Variants in MEI1 observed in about 807,000 individuals in gnomAD.
MEI1 encodes the protein meiosis inhibitor protein 1.
In MEI1, 103 loss-of-function variants were observed where a neutral mutation model predicts 146.2. The observed-to-expected ratio is 0.70, with a 90% CI of 0.60 to 0.83. The LOEUF (loss-of-function observed/expected upper bound fraction) is 0.83, where lower values mean the gene tolerates loss of function less well. Among genes scored for constraint, MEI1 ranks in the 40% least tolerant of loss-of-function variants. The probability of loss-of-function intolerance (pLI) is 0.00; values close to 1 mark genes in which losing one functional copy is unlikely to be tolerated. For synonymous variants in MEI1, 652 were observed against 628.2 expected (o/e 1.04, Z -0.57); for missense variants, 1,529 against 1,533.0 (o/e 1.00, Z 0.04).
intron 22 of MEI1, among the ~76,000 whole-genome samples, chr22:41,779,471 T>C (rs2075640506): frequency 6.6e-6 from 1 of 152,048 alleles, no homozygotes; most frequent in Admixed American, 6.6e-5. Context: ...AACAAATCTG[T>C]ATGACAGGCA....
At chr22:41,715,387 G>T (rs922389932) in intron 4 of MEI1, among the ~76,000 whole-genome samples, 8 of 151,728 alleles carry the variant, frequency 5.3e-5, no homozygotes, top group African/African-American at 1.9e-4. Flanking sequence ...TAATAACTAT[G>T]ATAACAATAA....
intron 12 of MEI1, among the ~76,000 whole-genome samples, 175 bp downstream of exon 12, chr22:41,743,369 A>C (rs188437705): frequency 6.6e-6 from 1 of 152,178 alleles, no homozygotes; most frequent in Non-Finnish European, 1.5e-5. Context: ...AAGGATTACT[A>C]TTGTCATTTT....
intron 26 of MEI1, among the ~76,000 whole-genome samples, chr22:41,788,830 C>T (rs1049254382): frequency 2.0e-5 from 3 of 152,128 alleles, no homozygotes; most frequent in African/African-American, 7.2e-5. Flanking sequence ...TCAACTCTGC[C>T]TCTGGCAACT....
At chr22:41,740,019 T>C (rs1432935216) in intron 11 of MEI1, among the ~76,000 whole-genome samples, 1 of 151,606 alleles carries the variant, frequency 6.6e-6, no homozygotes, top group Non-Finnish European at 1.5e-5. Context: ...TGGATTATTT[T>C]ACTTTTTTTT....
Position 41,795,040 on chromosome 22 carries a change from T to C in MEI1, c.3535-371T>C, listed in dbSNP as rs1254265295. 6.6e-6 allele frequency among the ~76,000 whole-genome samples: 1 copy of C among 152,162 alleles called. No individual in the cohort carries two copies. Among genetic ancestry groups the C allele is most frequent in the East Asian group, 1.9e-4 (1 of 5,202 alleles). On this transcript the variant is annotated intron_variant, in intron 28 of 30. Coordinates refer to ENST00000401548, the MANE Select transcript of MEI1 (RefSeq NM_152513.4). The surrounding 1 kb of genome is among the most constrained non-coding windows in gnomAD (Gnocchi z 4.2). ...TTTTAGCTGTGGCTTGAGAGATTAA[T>C]AGGCAGAGAGGAGGAAAGGTATTCC...
intron 6 of MEI1, among the ~76,000 whole-genome samples, chr22:41,718,881 C>CT (rs869132831): frequency 2.3e-4 from 34 of 149,138 alleles, no homozygotes; most frequent in African/African-American, 5.7e-4. Context: ...TTTCTTTTTT[C>CT]TTTTTTTTTG....
chr22:41,761,010 G>C (rs2147950738), intron 18 of MEI1, among the ~76,000 whole-genome samples: 1 of 152,176 alleles, frequency 6.6e-6, no homozygotes, highest in African/African-American at 2.4e-5. Context: ...AAAACAATAT[G>C]AGAGGGTCTG....
intron 11 of MEI1, among the ~76,000 whole-genome samples, chr22:41,742,673 A>G (rs1219047762): frequency 6.6e-6 from 1 of 152,106 alleles, no homozygotes; most frequent in Non-Finnish European, 1.5e-5. Context: ...TTTTTTTGAG[A>G]CAAAGTCTTG....
chr22:41,718,371 T>C, intron 6 of MEI1, 97 bp downstream of exon 6: 1 of 1,214,558 alleles, frequency 8.2e-7, no homozygotes, highest in Non-Finnish European at 1.2e-6. Flanking sequence ...GGAAGTTTGC[T>C]GTTTTGCAAA....
intron 6 of MEI1, among the ~76,000 whole-genome samples, chr22:41,719,339 A>G (rs2070526673): frequency 1.3e-5 from 2 of 151,850 alleles, no homozygotes; most frequent in Admixed American, 1.3e-4. Context: ...GGCACCCACC[A>G]TCACATCCGG....
intron 19 of MEI1, among the ~76,000 whole-genome samples, chr22:41,765,806 T>C (rs2074808159): frequency 6.6e-6 from 1 of 150,450 alleles, no homozygotes; most frequent in Non-Finnish European, 1.5e-5. Flanking sequence ...GTGATCAAAA[T>C]CAAGAAATTT....
intron 20 of MEI1, among the ~76,000 whole-genome samples, chr22:41,773,914 T>C (rs2075315016): frequency 6.6e-6 from 1 of 152,088 alleles, no homozygotes; most frequent in Non-Finnish European, 1.5e-5. Flanking sequence ...AAGGAACAAC[T>C]TTATTGTCTG....
intron 6 of MEI1, among the ~76,000 whole-genome samples, chr22:41,718,668 T>C (rs2070440326): frequency 6.6e-6 from 1 of 152,202 alleles, no homozygotes; most frequent in Non-Finnish European, 1.5e-5. Context: ...TTTATGCTGC[T>C]ATAACAGGAT....
intron 28 of MEI1, among the ~76,000 whole-genome samples, chr22:41,794,887 G>A (rs1189937710): frequency 6.6e-6 from 1 of 152,182 alleles, no homozygotes; most frequent in Non-Finnish European, 1.5e-5. Context: ...CACAGTAAGT[G>A]CCCCTTGAAT....
intron 22 of MEI1, among the ~76,000 whole-genome samples, chr22:41,780,332 A>G (rs2075687704): frequency 6.6e-6 from 1 of 152,166 alleles, no homozygotes. Context: ...CTGGGTGAGC[A>G]CCGAAGTCAG....
chr22:41,740,929 G>A (rs2072805793), intron 11 of MEI1, among the ~76,000 whole-genome samples: 1 of 152,022 alleles, frequency 6.6e-6, no homozygotes, highest in Admixed American at 6.6e-5. Context: ...CAAAGGCTCA[G>A]GGATGAGGGT....
intron 1 of MEI1, 132 bp downstream of exon 1, chr22:41,699,844 T>G (rs2068556817): frequency 8.5e-7 from 1 of 1,173,086 alleles, no homozygotes; most frequent in Admixed American, 3.0e-5. Flanking sequence ...TTCACTCTCC[T>G]CCCTGTCAGC....
chr22:41,777,005 C>G (rs1391364975), intron 21 of MEI1, among the ~76,000 whole-genome samples: 1 of 151,452 alleles, frequency 6.6e-6, no homozygotes, highest in Admixed American at 6.6e-5. Flanking sequence ...TCAGGAGAGA[C>G]GGGGTTTCAC....
At chr22:41,723,600 A>C (rs553269201) in intron 6 of MEI1, among the ~76,000 whole-genome samples, 4 of 152,254 alleles carry the variant, frequency 2.6e-5, no homozygotes, top group African/African-American at 9.6e-5. Flanking sequence ...AGTTCCTGCT[A>C]TGTGTCAGGA....
Sources: allele counts gnomAD v4.1 joint callset (sites outside exome capture counted in the v4.1 genomes callset), GRCh38; gene constraint gnomAD v4.1.1; non-coding constraint Gnocchi (gnomAD v3.1); transcripts MANE v1.5; gene names NCBI Gene and HGNC (gene_info 2026-07-23, HGNC 2026-07-21).